Variants in PLEKHG7 observed in about 807,000 individuals in gnomAD.
The protein encoded by PLEKHG7 is pleckstrin homology domain-containing family G member 7.
A neutral mutation model predicts 85.2 loss-of-function variants in PLEKHG7; 77 were observed. The ratio of observed to expected loss-of-function variants is 0.90; its 90% CI spans 0.75 to 1.09. The LOEUF (loss-of-function observed/expected upper bound fraction) is 1.09. Ranked by LOEUF, PLEKHG7 falls within the 50% of genes least tolerant of loss-of-function variation. The pLI, the probability that PLEKHG7 is intolerant of heterozygous loss-of-function variation, is 0.00. For missense variants in PLEKHG7, 777 were observed against 804.3 expected (o/e 0.97, Z 0.41); for synonymous variants, 301 against 302.4 (o/e 1.00, Z 0.05).
chr12:92,769,229 T>C (rs1326813033), intron 16 of PLEKHG7, 149 bp downstream of exon 16: 1 of 586,464 alleles, frequency 1.7e-6, no homozygotes, highest in Non-Finnish European at 3.0e-6. Flanking sequence ...GGGGTACATC[T>C]AGTCCATATA....
chr12:92,727,115 G>T lies in PLEKHG7; in HGVS notation c.531-1878G>T, dbSNP rs371301326. Among the ~76,000 whole-genome samples the T allele has an allele frequency of 3.3e-5, 5 of 152,244 alleles. No homozygotes were observed. The South Asian group carries it at 8.3e-4, about 25-fold the overall frequency. On this transcript the variant is annotated intron_variant, in intron 3 of 16. Transcript: ENST00000344636. ...GGAAGAGGTGGTGAGTAGATGTATG[G>T]GGAGTTTTTGTCATCACAGCCCTCC...
At chr12:92,752,769 A>G (rs531715613) in intron 10 of PLEKHG7, among the ~76,000 whole-genome samples, 1 of 152,300 alleles carries the variant, frequency 6.6e-6, no homozygotes, top group East Asian at 1.9e-4. Flanking sequence ...CTAGAACAAC[A>G]CACCATAGAC....
Position 92,729,055 on chromosome 12 carries a change from G to C in PLEKHG7, c.593G>C (p.Gly198Ala). 8.1e-7 allele frequency: 1 copy of C among 1,231,714 alleles called. No homozygotes were observed. The highest frequency in any genetic ancestry group is 4.1e-5 in the South Asian group (1 of 24,302). The allele number at this position is 1,231,714 out of a possible 1,614,324, so 76.3% of individuals were successfully genotyped here. A position where few individuals can be genotyped will look rare whatever the true frequency, so the allele number is the denominator to read the frequency against. ...LNLPGLEVFP[G>A]DLLVSDGAAD... ...TTACCTGGACTTGAGGTGTTCCCCGGGGACCTTCTGGTGTCAGATGGAGCT... is the reference window on the plus strand; with the variant it reads ...TTACCTGGACTTGAGGTGTTCCCCGCGGACCTTCTGGTGTCAGATGGAGCT... The change falls in exon 4 of 17, where the codon GGG becomes GCG. Residue 198 changes from glycine (G) to alanine (A), a missense_variant. By Grantham distance (60) the Gly-to-Ala change is moderately conservative (BLOSUM62 0). This residue lies in a region of PLEKHG7 where 252 missense variants were observed against 241.9 expected (regional missense o/e 1.04). Transcript: ENST00000344636.
At chr12:92,759,370 A>G (rs1000503168) in intron 13 of PLEKHG7, among the ~76,000 whole-genome samples, 11 of 152,252 alleles carry the variant, frequency 7.2e-5, no homozygotes, top group South Asian at 4.1e-4. Flanking sequence ...TCATTTTGAC[A>G]ATGATCATTG....
chr12:92,747,301 C>A (rs1325161732), intron 10 of PLEKHG7, among the ~76,000 whole-genome samples: 10 of 147,400 alleles, frequency 6.8e-5, no homozygotes, highest in Non-Finnish European at 1.5e-4. Flanking sequence ...CAAGGAAATG[C>A]AAATCAAAAC....
chr12:92,707,367 A>G, intron 2 of PLEKHG7: 1 of 1,429,228 alleles, frequency 7.0e-7, no homozygotes, highest in Non-Finnish European at 9.1e-7. Context: ...CTGTCCTTAG[A>G]GGCACTTTGA....
At chr12:92,755,509 A>T (rs1361040420) in intron 11 of PLEKHG7, among the ~76,000 whole-genome samples, 1 of 151,966 alleles carries the variant, frequency 6.6e-6, no homozygotes, top group Non-Finnish European at 1.5e-5. Flanking sequence ...TCCTCTAATT[A>T]TAGGCTGTGT....
intron 3 of PLEKHG7, among the ~76,000 whole-genome samples, chr12:92,727,558 G>A (rs1298836722): frequency 6.6e-6 from 1 of 152,020 alleles, no homozygotes; most frequent in African/African-American, 2.4e-5. Flanking sequence ...ATGGCCTCCA[G>A]CTCCATCCAT....
At chr12:92,757,679 CTGTA>C (rs1248041826) in intron 13 of PLEKHG7, among the ~76,000 whole-genome samples, 1 of 152,134 alleles carries the variant, frequency 6.6e-6, no homozygotes, top group Non-Finnish European at 1.5e-5. Flanking sequence ...CAGGGAGGTT[CTGTA>C]TCATGCCCAA....
chr12:92,718,772 T>A (rs1871558773), intron 3 of PLEKHG7, among the ~76,000 whole-genome samples: 1 of 152,132 alleles, frequency 6.6e-6, no homozygotes, highest in Non-Finnish European at 1.5e-5. Flanking sequence ...GTGTTTTCCA[T>A]AAAAAACAGT....
At chr12:92,707,943 ATTAACATCCACT>A in intron 3 of PLEKHG7, 1 of 498,704 alleles carries the variant, frequency 2.0e-6, no homozygotes, top group East Asian at 3.3e-5. Flanking sequence ...CTGTGGCTTA[ATTAACATCCACT>A]TAGTAATAGG....
chr12:92,768,960 G>T (rs770059005), intron 15 of PLEKHG7, 23 bp from the exon 16 acceptor site: 3 of 1,480,758 alleles, frequency 2.0e-6, no homozygotes, highest in East Asian at 4.6e-5. Context: ...TTGGCTTTTT[G>T]TCTTTGTAAT....
Position 92,764,204 on chromosome 12 carries a change from T to C in PLEKHG7, c.1870+10T>C. ...CCACTCCATGTGTCAGGTATGTGTC[T>C]ATTTTCATTATTCAGCTCATCTGTT... is the stretch of plus-strand genomic sequence containing the variant. On this transcript the variant is annotated intron_variant, in intron 15 of 16. Coordinates refer to ENST00000344636, the MANE Select transcript of PLEKHG7 (RefSeq NM_001377329.1). 6.3e-7 allele frequency: 1 copy of C among 1,593,358 alleles called. No homozygotes were observed. Among genetic ancestry groups the C allele is most frequent in the Non-Finnish European group, 8.6e-7 (1 of 1,168,924 alleles).
rs71069170 is a variant in PLEKHG7, at chr12:92,721,702, C to CAA, written c.531-7266_531-7265dup. The stretch of plus-strand genomic sequence containing the variant: ...GAACCAGAATAGCCAAGCATAAAAC[C>CAA]AAAAAAAAAAAAAAAAAAAAAAAAA... On this transcript the variant is annotated intron_variant, in intron 3 of 16. Transcript: ENST00000344636. 3.1e-3 allele frequency among the ~76,000 whole-genome samples: 136 copies of CAA among 43,360 alleles called. 9 individuals are homozygous for CAA. Among genetic ancestry groups the CAA allele is most frequent in the South Asian group, 6.9e-3 (5 of 722 alleles). The allele number at this position is 43,360 out of a possible 152,430, so 28.4% of individuals were successfully genotyped here. A position where few individuals can be genotyped will look rare whatever the true frequency, so the allele number is the denominator to read the frequency against.
intron 11 of PLEKHG7, among the ~76,000 whole-genome samples, chr12:92,755,382 G>A (rs1471949266): frequency 1.3e-5 from 2 of 152,102 alleles, no homozygotes; most frequent in African/African-American, 4.8e-5. Context: ...ACCTTCCAAA[G>A]AGAAATTGAG....
At chr12:92,766,153 T>G (rs903701588) in intron 15 of PLEKHG7, among the ~76,000 whole-genome samples, 45 of 152,224 alleles carry the variant, frequency 3.0e-4, no homozygotes, top group Non-Finnish European at 4.7e-4. Context: ...CAGAGGAATG[T>G]AGATAAAACA....
At chr12:92,721,559 TGGTG>T in intron 3 of PLEKHG7, 1 of 430,836 alleles carries the variant, frequency 2.3e-6, no homozygotes, top group Non-Finnish European at 3.0e-6. Flanking sequence ...GGTTTCTACA[TGGTG>T]GGTGGGGGTG....
intron 4 of PLEKHG7, among the ~76,000 whole-genome samples, chr12:92,729,575 C>A (rs1871924152): frequency 6.6e-6 from 1 of 151,846 alleles, no homozygotes; most frequent in South Asian, 2.1e-4. Context: ...AGATGAGTGT[C>A]TGATAGACAG....
intron 15 of PLEKHG7, 89 bp downstream of exon 15, chr12:92,764,283 T>C: frequency 1.5e-6 from 2 of 1,300,622 alleles, no homozygotes; most frequent in Non-Finnish European, 2.1e-6. Flanking sequence ...ATAAATCCAA[T>C]TCAAGTCTTC....
Sources: allele counts gnomAD v4.1 joint callset (sites outside exome capture counted in the v4.1 genomes callset), GRCh38; gene constraint gnomAD v4.1.1; regional missense constraint gnomAD v4.1.1; transcripts MANE v1.5; gene names NCBI Gene and HGNC (gene_info 2026-07-23, HGNC 2026-07-21).